The following RADX variants were observed in gnomAD, a reference collection of about 807,000 sequenced individuals.
RADX encodes RPA1 related single stranded DNA binding protein, X-linked, also known as RPA-related protein RADX.
RADX carries 36 observed loss-of-function variants against 61.6 expected under a neutral mutation model. That is an observed-to-expected ratio of 0.58 (90% CI 0.45 to 0.77). The LOEUF (loss-of-function observed/expected upper bound fraction) is 0.77. Among genes scored for constraint, RADX ranks in the 30% least tolerant of loss-of-function variants. The probability of loss-of-function intolerance (pLI) is 0.00; values close to 1 mark genes in which losing one functional copy is unlikely to be tolerated. For missense variants in RADX, 497 were observed against 651.1 expected, an observed-to-expected ratio of 0.76 and a Z score of 2.58; for synonymous variants, 272 against 237.9, an observed-to-expected ratio of 1.14 and a Z score of -1.32.
chrX:106,639,734 T>G (rs750646476), intron 9 of RADX, 47 bp downstream of exon 9: 41 of 1,003,410 alleles, frequency 4.1e-5, no homozygotes, highest in Non-Finnish European at 5.0e-5. Flanking sequence ...GCACTGTGAT[T>G]ATGATTGCAA....
chrX:106,660,043 T>C (rs938849806), intron 11 of RADX, among the ~76,000 whole-genome samples: 5 of 112,043 alleles, frequency 4.5e-5, no homozygotes, highest in African/African-American at 9.7e-5. Context: ...GAATGTTTAA[T>C]ATGGGTTAGA....
At chrX:106,668,200 G>A (rs762473086) in intron 12 of RADX, among the ~76,000 whole-genome samples, 1 of 112,128 alleles carries the variant, frequency 8.9e-6, no homozygotes, top group East Asian at 2.8e-4. Flanking sequence ...TAACGAGAAG[G>A]ATTTGGTTAC....
chrX:106,652,110 G>A (rs982885883), intron 11 of RADX, among the ~76,000 whole-genome samples: 6 of 110,434 alleles, frequency 5.4e-5, no homozygotes, highest in African/African-American at 9.9e-5. Flanking sequence ...TTAAACTTTC[G>A]TATTCCAATC....
chrX:106,662,665 G>GT (rs752876538), intron 12 of RADX, among the ~76,000 whole-genome samples: 88 of 104,019 alleles, frequency 8.5e-4, no homozygotes, highest in Non-Finnish European at 5.7e-4. Flanking sequence ...GAAGGGTAAA[G>GT]TGTAAGTTAA....
chrX:106,616,516 A>AT (rs1207525620), intron 1 of RADX, among the ~76,000 whole-genome samples: 1 of 111,402 alleles, frequency 9.0e-6, no homozygotes, highest in Admixed American at 9.5e-5. Flanking sequence ...TTCCTTGTTT[A>AT]TTTCTTCCAA....
rs183222425 is a variant in RADX, at chrX:106,669,105, A to G, written c.2270-58A>G. The stretch of plus-strand genomic sequence containing the variant: ...TTGGGATCAAACCAGCAAACTCGGC[A>G]TCAGCACCACATGCTAACCCACTGA... On this transcript the variant is annotated intron_variant, in intron 12 of 13. Transcript: ENST00000372548. The G allele has an allele frequency of 2.0e-4, 194 of 963,434 alleles. 2 individuals carry two copies. In the African/African-American group the frequency reaches 3.1e-3, roughly 15 times the overall value. The allele number at this position is 963,434 out of a possible 1,213,427, so 79.4% of individuals were successfully genotyped here.
At chrX:106,614,941 G>A (rs774798113) in intron 1 of RADX, among the ~76,000 whole-genome samples, 1 of 111,064 alleles carries the variant, frequency 9.0e-6, no homozygotes, top group East Asian at 2.8e-4. Context: ...TTAAGATATA[G>A]AACATTTCTG....
chrX:106,639,616 A>G lies in RADX; in HGVS notation c.1663A>G (p.Ile555Val). ...REQKRIAIQG[I>V]ITAIKYIPHS... is the part of the protein sequence containing the mutation. ...ACAAAAGCGCATTGCAATTCAGGGG[A>G]TAATTACTGCTATAAAGTATATCCC... Residue 555 changes from isoleucine (I) to valine (V), a missense_variant, in exon 9 of 14, where the codon ATA (isoleucine) becomes GTA (valine). Physicochemically the swap from Ile to Val is conservative, Grantham distance 29. Coordinates refer to ENST00000372548, the MANE Select transcript of RADX (RefSeq NM_018015.6). The G allele has an allele frequency of 8.3e-7, 1 of 1,205,616 alleles. No homozygotes were observed. Among genetic ancestry groups the G allele is most frequent in the Admixed American group, 2.2e-5 (1 of 45,550 alleles).
At chrX:106,658,211 C>G (rs1243385247) in intron 11 of RADX, among the ~76,000 whole-genome samples, 18 of 111,949 alleles carry the variant, frequency 1.6e-4, no homozygotes, top group African/African-American at 4.5e-4. Context: ...AGTGTCTACA[C>G]TTATATCAGA....
intron 10 of RADX, among the ~76,000 whole-genome samples, chrX:106,644,736 G>A (rs970483736): frequency 9.0e-6 from 1 of 110,905 alleles, no homozygotes; most frequent in African/African-American, 3.3e-5. Context: ...TTCTTTTATG[G>A]ATGTGTCTTT....
chrX:106,624,519 A>T (rs1373441591), intron 2 of RADX, among the ~76,000 whole-genome samples: 1 of 111,754 alleles, frequency 8.9e-6, no homozygotes, highest in Non-Finnish European at 1.9e-5. Flanking sequence ...CATCTGTAAA[A>T]TATGGATACT....
rs1393587928 is a variant in RADX at position 106,611,982 on chromosome X, G to A, written c.-99G>A. 19 of 932,796 alleles carry A rather than the reference G, an allele frequency of 2.0e-5. No homozygotes were observed. The highest frequency in any genetic ancestry group is 2.7e-5 in the Non-Finnish European group (18 of 671,050). The allele number at this position is 932,796 out of a possible 1,213,427, so 76.9% of individuals were successfully genotyped here. ...GGAGTCTTGCCTGTCAGCAGGGGCA[G>A]AGTAGCGATCGTCGCCAAAGCGCGC... On this transcript the variant is annotated 5_prime_UTR_variant, in exon 1 of 14. Coordinates refer to ENST00000372548, the MANE Select transcript of RADX (RefSeq NM_018015.6).
intron 1 of RADX, among the ~76,000 whole-genome samples, chrX:106,614,343 C>T (rs1312852129): frequency 9.0e-6 from 1 of 111,651 alleles, no homozygotes; most frequent in Non-Finnish European, 1.9e-5. Flanking sequence ...CTTTCATGTA[C>T]ATCTGTACAT....
intron 1 of RADX, among the ~76,000 whole-genome samples, chrX:106,612,999 T>A (rs187991927): frequency 8.9e-6 from 1 of 112,038 alleles, no homozygotes; most frequent in African/African-American, 3.2e-5. Context: ...CTGGCAAACG[T>A]ACTGATGTGG....
intron 11 of RADX, among the ~76,000 whole-genome samples, chrX:106,658,074 A>AG (rs771979168): frequency 9.0e-6 from 1 of 111,616 alleles, no homozygotes; most frequent in East Asian, 2.8e-4. Flanking sequence ...CCAAGTAAAA[A>AG]GTGGAGATTA....
intron 10 of RADX, among the ~76,000 whole-genome samples, chrX:106,644,766 G>A (rs1927615135): frequency 9.0e-6 from 1 of 111,045 alleles, no homozygotes; most frequent in African/African-American, 3.3e-5. Context: ...TGTTATAAGG[G>A]TAATACTGGC....
chrX:106,621,922 A>G (rs1047590288), intron 1 of RADX, among the ~76,000 whole-genome samples: 9 of 96,029 alleles, frequency 9.4e-5, no homozygotes, highest in African/African-American at 1.4e-4. Flanking sequence ...AAACAATTCT[A>G]TGGTTTTTTT....
In RADX at chrX:106,632,078, A is replaced by G. The variant is rs542084674; in HGVS notation, c.980-547A>G. ...AACAGTTGCCTGTGTGCACAGGGAG[A>G]CACATACAAAAATTTTTAAACAACC... On this transcript the variant is annotated intron_variant, in intron 3 of 13. Transcript: ENST00000372548. Among the ~76,000 whole-genome samples the G allele has an allele frequency of 9.8e-5, 11 of 111,931 alleles. 1 individual carries two copies. The South Asian group carries it at 4.1e-3, about 42-fold the overall frequency.
chrX:106,626,561 C>T (rs781087014), intron 3 of RADX, among the ~76,000 whole-genome samples: 1 of 111,837 alleles, frequency 8.9e-6, no homozygotes, highest in South Asian at 3.7e-4. Flanking sequence ...AGCATGCTAC[C>T]TCTGCTATAT....
Sources: gnomAD v4.1 joint callset for allele counts (sites outside exome capture counted in the v4.1 genomes callset) on GRCh38, gnomAD v4.1.1 for gene constraint, MANE v1.5 for transcripts, NCBI Gene and HGNC (gene_info 2026-07-23, HGNC 2026-07-21) for gene names.